NHSL2: variants seen among roughly 807,000 people sequenced by gnomAD.
NHSL2 encodes the protein NHS like 2.
In NHSL2, 27 loss-of-function variants were observed where a neutral mutation model predicts 53.4. The ratio of observed to expected loss-of-function variants is 0.51; its 90% confidence interval spans 0.37 to 0.70. The LOEUF (loss-of-function observed/expected upper bound fraction) is 0.70. Ranked by LOEUF, NHSL2 falls within the 30% of genes least tolerant of loss-of-function variation. The pLI is 0.00. For missense variants in NHSL2, 892 were observed against 980.1 expected (o/e 0.91, Z 1.20); for synonymous variants, 408 against 404.1 (o/e 1.01, Z -0.12).
intron 1 of NHSL2, among the ~76,000 whole-genome samples, chrX:72,083,827 C>T (rs767782466): frequency 1.8e-5 from 2 of 112,217 alleles, no homozygotes; most frequent in African/African-American, 6.5e-5. Context: ...GTGGCATTCA[C>T]TCAGCAGGTG....
At chrX:71,923,915 A>C (rs763949213) in intron 1 of NHSL2, among the ~76,000 whole-genome samples, 1 of 112,099 alleles carries the variant, frequency 8.9e-6, no homozygotes, top group African/African-American at 3.2e-5. Flanking sequence ...GTTCTGTTTA[A>C]ATGGGCTTTG....
chrX:72,130,044 G>A (rs2042270644), intron 1 of NHSL2: 1 of 1,211,237 alleles, frequency 8.3e-7, no homozygotes, highest in East Asian at 3.0e-5. Context: ...GCTGTATTAT[G>A]GGAGGTGATG....
intron 1 of NHSL2, among the ~76,000 whole-genome samples, chrX:71,971,639 A>G (rs1259535498): frequency 4.5e-5 from 5 of 111,843 alleles, no homozygotes; most frequent in Non-Finnish European, 9.4e-5. Flanking sequence ...AATTTTATAG[A>G]TATTGTTTAT....
chrX:72,058,493 C>T (rs377229134), intron 1 of NHSL2, among the ~76,000 whole-genome samples: 4 of 111,601 alleles, frequency 3.6e-5, no homozygotes, highest in East Asian at 5.7e-4. Context: ...TACAGGCACG[C>T]GCCACCACGC....
intron 1 of NHSL2, 154 bp from the exon 2 acceptor site, chrX:72,131,925 T>TG: frequency 2.0e-6 from 1 of 509,018 alleles, no homozygotes; most frequent in African/African-American, 2.4e-5. Context: ...GGAAAAATCT[T>TG]GCGGCCGGCG....
At chrX:72,019,615 C>T (rs2147898983) in intron 1 of NHSL2, among the ~76,000 whole-genome samples, 1 of 111,880 alleles carries the variant, frequency 8.9e-6, no homozygotes, top group East Asian at 2.8e-4. Context: ...GGCCACCTAA[C>T]TCACAAGATT....
At chrX:72,026,148 G>T (rs773882025) in intron 1 of NHSL2, among the ~76,000 whole-genome samples, 1 of 111,845 alleles carries the variant, frequency 8.9e-6, no homozygotes. Flanking sequence ...TCCCCTGCCC[G>T]ATTCCCTGAT....
chrX:71,958,955 C>A (rs2147847370), intron 1 of NHSL2, among the ~76,000 whole-genome samples: 1 of 112,126 alleles, frequency 8.9e-6, no homozygotes, highest in Non-Finnish European at 1.9e-5. Flanking sequence ...CTGCAAGTGA[C>A]CTCAGCTGTA....
chrX:71,914,307 C>T (rs188698616), intron 1 of NHSL2, among the ~76,000 whole-genome samples: 50 of 112,671 alleles, frequency 4.4e-4, no homozygotes, highest in African/African-American at 1.5e-3. Flanking sequence ...TGCCTGCCAC[C>T]ATATGCTGAG....
chrX:72,052,661 C>T (rs2042347459), intron 1 of NHSL2, among the ~76,000 whole-genome samples: 1 of 111,878 alleles, frequency 8.9e-6, no homozygotes, highest in Non-Finnish European at 1.9e-5. Context: ...CAGGAGCACA[C>T]GACACTCTCG....
intron 1 of NHSL2, among the ~76,000 whole-genome samples, chrX:71,935,003 G>A (rs149129926): frequency 0.037 from 4,058 of 110,561 alleles, 181 homozygotes; most frequent in African/African-American, 0.13. Flanking sequence ...TGGCAGGACC[G>A]TTTTTTTGTT....
chrX:72,089,450 G>A lies in NHSL2; in HGVS notation c.281-42629G>A, dbSNP rs191441436. Among the ~76,000 whole-genome samples, 16 of 111,406 alleles carry A rather than the reference G, an allele frequency of 1.4e-4. 1 individual carries two copies. In the Admixed American group the frequency reaches 1.4e-3, roughly 10 times the overall value. The stretch of plus-strand genomic sequence containing the variant: ...TGGGCAAGAGGATTCCAGAGGGCTT[G>A]TAGGAGGTGGCTGGGTCTATAGCGT... On this transcript the variant is annotated intron_variant, in intron 1 of 7. Transcript: ENST00000633930.
intron 1 of NHSL2, among the ~76,000 whole-genome samples, chrX:71,926,634 A>C (rs2041687061): frequency 9.1e-6 from 1 of 110,365 alleles, no homozygotes; most frequent in Non-Finnish European, 1.9e-5. Flanking sequence ...GAATATACAT[A>C]TATATACATA....
chrX:72,139,941 G>A lies in NHSL2; in HGVS notation c.2393G>A (p.Arg798Gln), dbSNP rs373742483. 75 of 1,207,466 alleles carry A rather than the reference G, an allele frequency of 6.2e-5. No homozygotes were observed. The highest frequency in any genetic ancestry group is 7.5e-5 in the Non-Finnish European group (67 of 893,903). ...ISIRSKTKVS[R>Q]HHSETNFGVK... is the part of the protein sequence containing the mutation. ...ATCCGAAGCAAAACTAAGGTGAGTC[G>A]GCACCACTCAGAGACAAATTTTGGC... Residue 798 changes from arginine to glutamine, a missense_variant, in exon 6 of 8, where the codon CGG becomes CAG. Coordinates refer to ENST00000633930, the MANE Select transcript of NHSL2 (RefSeq NM_001013627.3).
chrX:71,921,985 G>A (rs1441536167), intron 1 of NHSL2, among the ~76,000 whole-genome samples: 1 of 112,233 alleles, frequency 8.9e-6, no homozygotes, highest in African/African-American at 3.2e-5. Context: ...AATTTGTAAA[G>A]GATTGTGTGT....
intron 4 of NHSL2, 41 bp downstream of exon 4, chrX:72,134,745 G>A: frequency 1.0e-6 from 1 of 990,393 alleles, no homozygotes; most frequent in Non-Finnish European, 1.4e-6. Context: ...TTCCCTTCAT[G>A]CCTCTACAGA....
At chrX:72,112,652 A>G (rs764555674) in intron 1 of NHSL2, among the ~76,000 whole-genome samples, 1 of 111,806 alleles carries the variant, frequency 8.9e-6, no homozygotes, top group South Asian at 3.7e-4. Context: ...TGTAATGTTT[A>G]CAAGGTTCAT....
At chrX:72,108,742 G>A (rs929497640) in intron 1 of NHSL2, among the ~76,000 whole-genome samples, 36 of 111,915 alleles carry the variant, frequency 3.2e-4, no homozygotes, top group Admixed American at 8.5e-4. Flanking sequence ...ATGCGGGTCC[G>A]GCAGGGAAGA....
At chrX:72,025,264 C>A (rs1003440428) in intron 1 of NHSL2, among the ~76,000 whole-genome samples, 1 of 112,607 alleles carries the variant, frequency 8.9e-6, no homozygotes, top group Non-Finnish European at 1.9e-5. Flanking sequence ...CCCCAAAGAT[C>A]TCCCACCTAT....
Sources: allele counts gnomAD v4.1 joint callset (sites outside exome capture counted in the v4.1 genomes callset), GRCh38; gene constraint gnomAD v4.1.1; transcripts MANE v1.5; gene names NCBI Gene and HGNC (gene_info 2026-07-23, HGNC 2026-07-21).